Variants in RGS22 observed in about 807,000 individuals in gnomAD.
RGS22 encodes regulator of G protein signaling 22.
Under a neutral mutation model 172.9 loss-of-function variants are expected in RGS22, and 148 were observed. The ratio of observed to expected loss-of-function variants is 0.86; its 90% CI spans 0.75 to 0.98. RGS22 has a LOEUF of 0.98. RGS22 is among the 50% of genes least tolerant of loss of function. The pLI, the probability that RGS22 is intolerant of heterozygous loss-of-function variation, is 0.00. For missense variants in RGS22, 1,347 were observed against 1,440.8 expected (o/e 0.93, Z 1.05); for synonymous variants, 458 against 480.2 (o/e 0.95, Z 0.60).
chr8:99,979,930 A>G (rs2131194209), intron 22 of RGS22, among the ~76,000 whole-genome samples: 1 of 152,306 alleles, frequency 6.6e-6, no homozygotes, highest in Middle Eastern at 3.4e-3. Flanking sequence ...AGAAGACGAT[A>G]CTGCAAAAAG....
intron 9 of RGS22, among the ~76,000 whole-genome samples, chr8:100,060,157 C>T (rs185821424): frequency 3.9e-5 from 6 of 151,996 alleles, no homozygotes; most frequent in Admixed American, 1.3e-4. Context: ...TTCCACTATG[C>T]CCATTCTCTT....
chr8:100,041,711 A>G, intron 12 of RGS22, 91 bp downstream of exon 12: 2 of 701,278 alleles, frequency 2.9e-6, no homozygotes, highest in East Asian at 5.5e-5. Flanking sequence ...AAGAAAAAAT[A>G]TTATGATAAA....
At position 100,066,155 on chromosome 8, in the gene RGS22, T is replaced by C. The variant is rs747208803; in HGVS notation, c.724+12A>G. 82 of 1,609,454 alleles carry C rather than the reference T, an allele frequency of 5.1e-5. No homozygotes were observed. In the Admixed American group the frequency reaches 1.0e-3, roughly 20 times the overall value. On this transcript the variant is annotated intron_variant, in intron 7 of 27. Coordinates refer to ENST00000360863, the MANE Select transcript of RGS22 (RefSeq NM_015668.5). ...AGAAGTTCTGAAGTCATTCTTGTCC[T>C]TTTCTGCTTACCAGAAACAGATGAA...
intron 23 of RGS22, among the ~76,000 whole-genome samples, chr8:99,970,089 T>C (rs914257279): frequency 2.6e-5 from 4 of 152,106 alleles, no homozygotes; most frequent in African/African-American, 7.2e-5. Flanking sequence ...CATTTGAAAC[T>C]GCACAACTAT....
chr8:100,019,420 T>G (rs867437914), intron 14 of RGS22, among the ~76,000 whole-genome samples: 1 of 152,260 alleles, frequency 6.6e-6, no homozygotes. Context: ...CTGGTAACAC[T>G]GATTACCTGA....
intron 9 of RGS22, among the ~76,000 whole-genome samples, chr8:100,059,645 A>G (rs371492333): frequency 9.2e-5 from 14 of 152,298 alleles, no homozygotes; most frequent in East Asian, 5.8e-4. Flanking sequence ...TATAAAGGAA[A>G]TATTATTAGA....
At chr8:100,063,156 A>G (rs1225174121) in intron 8 of RGS22, among the ~76,000 whole-genome samples, 1 of 152,186 alleles carries the variant, frequency 6.6e-6, no homozygotes, top group African/African-American at 2.4e-5. Flanking sequence ...ATTAATTTGA[A>G]AGTAGTTCTA....
At chr8:100,010,863 C>A (rs940629917) in intron 14 of RGS22, among the ~76,000 whole-genome samples, 30 of 149,868 alleles carry the variant, frequency 2.0e-4, no homozygotes, top group Admixed American at 6.7e-5. Context: ...AGGCTAATCT[C>A]GAACTCCTGG....
intron 2 of RGS22, among the ~76,000 whole-genome samples, chr8:100,100,868 T>G (rs950528874): frequency 2.0e-5 from 3 of 152,232 alleles, no homozygotes; most frequent in Admixed American, 6.5e-5. Context: ...ATAGTAAGAT[T>G]ACAAGGTAGT....
At position 100,071,557 on chromosome 8, in the gene RGS22, C is replaced by G. The variant is rs745779551; in HGVS notation, c.426-20G>C. 1.3e-6 allele frequency: 2 copies of G among 1,576,600 alleles called. No individual in the cohort carries two copies. The highest frequency in any genetic ancestry group is 2.7e-5 in the African/African-American group (2 of 72,852). On this transcript the variant is annotated intron_variant, in intron 5 of 27. Coordinates refer to ENST00000360863, the MANE Select transcript of RGS22 (RefSeq NM_015668.5). ...GCTAACCTGCATTTTAGAAATCATA[C>G]AAATTTAAAACAAGTTTCAAATATG...
intron 4 of RGS22, among the ~76,000 whole-genome samples, chr8:100,074,649 T>C (rs1306161312): frequency 6.6e-6 from 1 of 152,260 alleles, no homozygotes; most frequent in Non-Finnish European, 1.5e-5. Flanking sequence ...ATACCACAGT[T>C]TGTTTATCCA....
chr8:100,021,993 T>C (rs546062936), intron 14 of RGS22, among the ~76,000 whole-genome samples: 1 of 152,082 alleles, frequency 6.6e-6, no homozygotes, highest in African/African-American at 2.4e-5. Context: ...CAATCCAATC[T>C]TTTTTTCTGC....
chr8:100,076,951 C>T (rs1811396139), intron 4 of RGS22, among the ~76,000 whole-genome samples: 1 of 151,942 alleles, frequency 6.6e-6, no homozygotes. Context: ...TGAGATCGCC[C>T]CACTGCACTC....
chr8:100,005,044 T>C (rs1815535999), intron 16 of RGS22, among the ~76,000 whole-genome samples: 1 of 152,010 alleles, frequency 6.6e-6, no homozygotes, highest in African/African-American at 2.4e-5. Context: ...AAAATTAATT[T>C]CCTTATGTAG....
chr8:100,001,205 T>TATATATATATATATATAC (rs1815025579), intron 18 of RGS22, among the ~76,000 whole-genome samples: 1 of 132,426 alleles, frequency 7.6e-6, no homozygotes, highest in Non-Finnish European at 1.6e-5. Flanking sequence ...CAATTTTTTA[T>TATATATATATATATATAC]ATATATATAT....
At chr8:100,032,970 G>A (rs1438323353) in intron 14 of RGS22, among the ~76,000 whole-genome samples, 2 of 152,192 alleles carry the variant, frequency 1.3e-5, no homozygotes, top group Non-Finnish European at 2.9e-5. Context: ...TGAAACCAAT[G>A]AGAACAGAGA....
At chr8:100,058,479 G>C (rs1809832062) in intron 9 of RGS22, among the ~76,000 whole-genome samples, 1 of 152,010 alleles carries the variant, frequency 6.6e-6, no homozygotes, top group Non-Finnish European at 1.5e-5. Flanking sequence ...AATATACAGG[G>C]AGCTCTAATA....
intron 9 of RGS22, among the ~76,000 whole-genome samples, chr8:100,057,471 A>G (rs1309855074): frequency 6.6e-6 from 1 of 152,164 alleles, no homozygotes; most frequent in Non-Finnish European, 1.5e-5. Flanking sequence ...CCCAAATCTC[A>G]CCTTGAATTG....
chr8:99,993,180 G>A (rs756596012), intron 20 of RGS22, among the ~76,000 whole-genome samples: 2 of 152,032 alleles, frequency 1.3e-5, no homozygotes, highest in East Asian at 1.9e-4. Flanking sequence ...ATCTAAAATC[G>A]ACACCCTAAC....
Sources: allele counts gnomAD v4.1 joint callset (sites outside exome capture counted in the v4.1 genomes callset), GRCh38; gene constraint gnomAD v4.1.1; transcripts MANE v1.5; gene names NCBI Gene and HGNC (gene_info 2026-07-23, HGNC 2026-07-21).